Variants in LHX4 observed in about 807,000 individuals in gnomAD.
The protein encoded by LHX4 is LIM homeobox 4, also known as LIM/homeobox protein Lhx4.
A neutral mutation model predicts 39.2 loss-of-function variants in LHX4; 16 were observed. That is an observed-to-expected ratio of 0.41 (90% CI 0.28 to 0.62). The LOEUF (loss-of-function observed/expected upper bound fraction) is 0.62, where lower values mean the gene tolerates loss of function less well. LHX4 is among the 20% of genes least tolerant of loss of function. LHX4 has a pLI of 0.33. For synonymous variants in LHX4, 206 were observed against 198.1 expected, an observed-to-expected ratio of 1.04 and a Z score of -0.33; for missense variants, 439 against 511.9, an observed-to-expected ratio of 0.86 and a Z score of 1.37.
intron 2 of LHX4, among the ~76,000 whole-genome samples, chr1:180,253,774 G>A (rs1647727672): frequency 1.3e-5 from 2 of 152,200 alleles, no homozygotes; most frequent in Non-Finnish European, 2.9e-5. Flanking sequence ...TTGACCCGCA[G>A]CCCTGCAGGG....
rs1041971484 is a variant in LHX4, at chr1:180,277,778, G to C, written c.*3199G>C. 2.6e-5 allele frequency: 4 copies of C among 151,672 alleles called. No individual in the cohort carries two copies. The highest frequency in any genetic ancestry group is 2.6e-4 in the Admixed American group (4 of 15,202). 9.4% of individuals were successfully genotyped at this position (151,672 alleles called of 1,614,324 possible). A position where few individuals can be genotyped will look rare whatever the true frequency, so the allele number is the denominator to read the frequency against. ...CGTAAAATAAAGATCAACTATCATT[G>C]ATAACACTGTTCCTGCAAATGAATA... On this transcript the variant is annotated 3_prime_UTR_variant, in exon 6 of 6. Coordinates refer to ENST00000263726, the MANE Select transcript of LHX4 (RefSeq NM_033343.4).
chr1:180,230,240 G>A (rs561399993), upstream of LHX4: 3 of 472,790 alleles, frequency 6.3e-6, no homozygotes, highest in South Asian at 4.4e-5. This position sits in a 1 kb window ranked among gnomAD's most constrained non-coding sequence, Gnocchi z 5.8. Flanking sequence ...AGGAGCGGGC[G>A]GGGGAGGGAA....
At position 180,275,828 on chromosome 1, in the gene LHX4, A is replaced by G. The variant is rs1477188226; in HGVS notation, c.*1249A>G. ...GCTGCAGTCCCATGGTCAGAAAGCC[A>G]GAACTCTCTGGCCAGTGGTGGTGCA... On this transcript the variant is annotated 3_prime_UTR_variant, in exon 6 of 6. Coordinates refer to ENST00000263726, the MANE Select transcript of LHX4 (RefSeq NM_033343.4). 1 of 152,328 alleles carries G rather than the reference A, an allele frequency of 6.6e-6. No individual in the cohort carries two copies. Among genetic ancestry groups the G allele is most frequent in the African/African-American group, 2.4e-5 (1 of 41,468 alleles). 9.4% of individuals were successfully genotyped at this position (152,328 alleles called of 1,614,324 possible).
At position 180,230,387 on chromosome 1, in the gene LHX4, C is replaced by G; in HGVS notation, c.-143C>G. 2.8e-6 allele frequency: 2 copies of G among 724,802 alleles called. No individual in the cohort carries two copies. The highest frequency in any genetic ancestry group is 2.4e-6 in the Non-Finnish European group (1 of 412,544). The allele number at this position is 724,802 out of a possible 1,614,324, so 44.9% of individuals were successfully genotyped here. On this transcript the variant is annotated 5_prime_UTR_variant, in exon 1 of 6. Coordinates refer to ENST00000263726, the MANE Select transcript of LHX4 (RefSeq NM_033343.4). This position sits in a 1 kb window ranked among gnomAD's most constrained non-coding sequence, Gnocchi z 5.8. ...GGCCGGCCAGCCTGTGGAGTCCTCC[C>G]TGAGAAGCGGAGGGCCCGGCTTCCA...
chr1:180,260,986 AGCT>A (rs1273378446), intron 2 of LHX4, among the ~76,000 whole-genome samples: 3 of 151,902 alleles, frequency 2.0e-5, no homozygotes, highest in Non-Finnish European at 4.4e-5. Flanking sequence ...TCAGGCTAGG[AGCT>A]CAGGAGACAG....
At chr1:180,267,535 C>T (rs1648373108) in intron 3 of LHX4, among the ~76,000 whole-genome samples, 1 of 152,226 alleles carries the variant, frequency 6.6e-6, no homozygotes, top group Admixed American at 6.5e-5. Context: ...CAGATGCACC[C>T]ACATGGTCGT....
intron 2 of LHX4, among the ~76,000 whole-genome samples, chr1:180,265,337 C>T (rs527756324): frequency 5.6e-4 from 85 of 152,324 alleles, no homozygotes; most frequent in African/African-American, 1.5e-3. Context: ...CAATGCCTCC[C>T]GCCTCCCTCC....
chr1:180,243,803 G>T (rs1447571914), intron 1 of LHX4, among the ~76,000 whole-genome samples: 1 of 152,040 alleles, frequency 6.6e-6, no homozygotes, highest in African/African-American at 2.4e-5. Flanking sequence ...AGCTGTTAGG[G>T]AGCTCAAGAG....
rs373681851 is a variant in LHX4 at position 180,230,504 on chromosome 1, T to G, written c.-26T>G. ...GAGAGAGCGAGAGATCTCCGTAGAC[T>G]GCGACTCGCTGGCTTTCGCTCCGAG... On this transcript the variant is annotated 5_prime_UTR_variant, in exon 1 of 6. Transcript: ENST00000263726. This position sits in a 1 kb window ranked among gnomAD's most constrained non-coding sequence, Gnocchi z 5.8. The G allele has an allele frequency of 6.2e-7, 1 of 1,600,266 alleles. No homozygotes were observed. Among genetic ancestry groups the G allele is most frequent in the Non-Finnish European group, 8.6e-7 (1 of 1,168,276 alleles).
In LHX4 at chr1:180,230,426, G is replaced by T; in HGVS notation, c.-104G>T. On this transcript the variant is annotated 5_prime_UTR_variant, in exon 1 of 6. Transcript: ENST00000263726. The surrounding 1 kb of genome is among the most constrained non-coding windows in gnomAD (Gnocchi z 5.8). ...GCCCGGCTTCCACCGTGACTCCAGCGGCCTGCTTGGGGTTTTAATTATTAT... is the reference window on the plus strand; with the variant it reads ...GCCCGGCTTCCACCGTGACTCCAGCTGCCTGCTTGGGGTTTTAATTATTAT... 2.0e-6 allele frequency: 2 copies of T among 997,604 alleles called. No individual in the cohort carries two copies. The highest frequency in any genetic ancestry group is 1.4e-5 in the South Asian group (1 of 73,078). 61.8% of individuals were successfully genotyped at this position (997,604 alleles called of 1,614,324 possible). A position where few individuals can be genotyped will look rare whatever the true frequency, so the allele number is the denominator to read the frequency against.
chr1:180,233,669 T>G (rs1310295342), intron 1 of LHX4, among the ~76,000 whole-genome samples: 1 of 152,064 alleles, frequency 6.6e-6, no homozygotes, highest in African/African-American at 2.4e-5. Flanking sequence ...CCATCTGCCA[T>G]GTAGTCTCCC....
chr1:180,253,256 G>C (rs1558214506), intron 2 of LHX4, among the ~76,000 whole-genome samples: 1 of 152,216 alleles, frequency 6.6e-6, no homozygotes, highest in Non-Finnish European at 1.5e-5. Context: ...CCTCAAAAAG[G>C]GACCAGGGCC....
chr1:180,272,336 G>A (rs1648725516), intron 5 of LHX4, among the ~76,000 whole-genome samples: 1 of 152,138 alleles, frequency 6.6e-6, no homozygotes, highest in Non-Finnish European at 1.5e-5. Context: ...CCAGCCTTGT[G>A]CCCCTAGCCC....
chr1:180,242,211 T>C (rs1300707480), intron 1 of LHX4, among the ~76,000 whole-genome samples: 1 of 152,132 alleles, frequency 6.6e-6, no homozygotes, highest in African/African-American at 2.4e-5. Flanking sequence ...TGGCTTTTTT[T>C]TTCCAGAGTG....
At chr1:180,260,149 T>C (rs1030715975) in intron 2 of LHX4, among the ~76,000 whole-genome samples, 2 of 151,548 alleles carry the variant, frequency 1.3e-5, no homozygotes, top group African/African-American at 2.4e-5. Context: ...GGCATTGGGC[T>C]GAGGGCTGGA....
intron 3 of LHX4, among the ~76,000 whole-genome samples, chr1:180,267,691 G>T (rs1648380684): frequency 6.6e-6 from 1 of 152,180 alleles, no homozygotes; most frequent in Non-Finnish European, 1.5e-5. Context: ...AACGGCTCTT[G>T]TTGACAGCTC....
intron 3 of LHX4, chr1:180,269,919 G>A (rs1648536026): frequency 6.6e-6 from 1 of 152,244 alleles, no homozygotes; most frequent in South Asian, 2.1e-4. Context: ...GGAGGGAGTT[G>A]GGCCACAGTA....
chr1:180,271,710 C>T (rs1412188988), intron 4 of LHX4, 125 bp from the exon 5 acceptor site: 19 of 1,285,116 alleles, frequency 1.5e-5, no homozygotes, highest in Non-Finnish European at 1.6e-5. Context: ...TGGGGCGCAT[C>T]GCACTCCCAG....
intron 1 of LHX4, among the ~76,000 whole-genome samples, chr1:180,240,030 A>G (rs930156085): frequency 1.3e-5 from 2 of 152,198 alleles, no homozygotes; most frequent in Non-Finnish European, 2.9e-5. Flanking sequence ...TTAGGCTGTC[A>G]AGTCAAAGCA....
Sources: allele counts gnomAD v4.1 joint callset (sites outside exome capture counted in the v4.1 genomes callset), GRCh38; gene constraint gnomAD v4.1.1; non-coding constraint Gnocchi (gnomAD v3.1); transcripts MANE v1.5; gene names NCBI Gene and HGNC (gene_info 2026-07-23, HGNC 2026-07-21).